C3orf70: variants seen among roughly 807,000 people sequenced by gnomAD.
The protein encoded by C3orf70 is chromosome 3 open reading frame 70.
In C3orf70, 15 loss-of-function variants were observed where a neutral mutation model predicts 20.7. The ratio of observed to expected loss-of-function variants is 0.72; its 90% confidence interval spans 0.48 to 1.11. The LOEUF (loss-of-function observed/expected upper bound fraction) is 1.11. C3orf70 is among the 50% of genes most tolerant of loss of function. The pLI, the probability that C3orf70 is intolerant of heterozygous loss-of-function variation, is 0.00. For synonymous variants in C3orf70, 161 were observed against 125.7 expected, an observed-to-expected ratio of 1.28 and a Z score of -1.88; for missense variants, 332 against 317.6, an observed-to-expected ratio of 1.05 and a Z score of -0.34.
chr3:185,105,263 A>G (rs956929624), intron 1 of C3orf70, among the ~76,000 whole-genome samples: 1 of 152,226 alleles, frequency 6.6e-6, no homozygotes, highest in African/African-American at 2.4e-5. Flanking sequence ...GCCATACACA[A>G]AATCTCTGCA....
Position 185,136,594 on chromosome 3 carries a change from G to A in C3orf70, c.196+16034C>T, listed in dbSNP as rs181797953. Among the ~76,000 whole-genome samples, 172 of 152,028 alleles carry A rather than the reference G, an allele frequency of 1.1e-3. 2 individuals are homozygous for A. Among genetic ancestry groups the A allele is most frequent in the Non-Finnish European group, 4.0e-4 (27 of 68,010 alleles). ...ATTAGCTGGGCCCACAGTGGTGGCG[G>A]GCACCTGCAGTCCCAGCTACTCGGG... On this transcript the variant is annotated intron_variant, in intron 1 of 1. Transcript: ENST00000335012.
chr3:185,145,881 A>C (rs1716863653), intron 1 of C3orf70, among the ~76,000 whole-genome samples: 1 of 152,252 alleles, frequency 6.6e-6, no homozygotes, highest in South Asian at 2.1e-4. Flanking sequence ...GTTGAAGTTT[A>C]CGTGCATCCA....
At chr3:185,088,012 T>C (rs529266533) in intron 1 of C3orf70, among the ~76,000 whole-genome samples, 8 of 151,570 alleles carry the variant, frequency 5.3e-5, no homozygotes, top group African/African-American at 1.7e-4. Context: ...CCTGGGTTCA[T>C]GCGATTCTCC....
At chr3:185,111,291 A>C (rs1199214309) in intron 1 of C3orf70, among the ~76,000 whole-genome samples, 2 of 152,248 alleles carry the variant, frequency 1.3e-5, no homozygotes, top group Admixed American at 6.5e-5. Context: ...CCATCAAGAA[A>C]GTGAAAAAAG....
At chr3:185,122,212 A>G (rs1716317549) in intron 1 of C3orf70, among the ~76,000 whole-genome samples, 2 of 152,202 alleles carry the variant, frequency 1.3e-5, no homozygotes, top group Non-Finnish European at 1.5e-5. Context: ...AGAACCAGTA[A>G]TATTACCAAG....
chr3:185,102,181 G>A lies in C3orf70; in HGVS notation c.197-18618C>T, dbSNP rs1163893363. Among the ~76,000 whole-genome samples, 4 of 152,148 alleles carry A rather than the reference G, an allele frequency of 2.6e-5. No individual in the cohort carries two copies. In the East Asian group the frequency reaches 7.7e-4, roughly 29 times the overall value. The stretch of plus-strand genomic sequence containing the variant: ...ATATCTAGAAAACCCCACAGTCTCG[G>A]CCCAAAAGCTCCTTCAGCTAATAAA... On this transcript the variant is annotated intron_variant, in intron 1 of 1. Transcript: ENST00000335012.
At chr3:185,105,434 T>C (rs958469364) in intron 1 of C3orf70, among the ~76,000 whole-genome samples, 1 of 152,286 alleles carries the variant, frequency 6.6e-6, no homozygotes, top group Non-Finnish European at 1.5e-5. Context: ...CTTAAGGACA[T>C]GCTCCTGCTG....
intron 1 of C3orf70, among the ~76,000 whole-genome samples, chr3:185,093,265 T>A (rs1217149847): frequency 1.3e-5 from 2 of 152,160 alleles, no homozygotes; most frequent in Non-Finnish European, 2.9e-5. Context: ...CAGGCCACAC[T>A]CTGACACCCT....
intron 1 of C3orf70, among the ~76,000 whole-genome samples, chr3:185,117,454 A>AG (rs1716203945): frequency 3.7e-3 from 519 of 141,974 alleles, no homozygotes; most frequent in African/African-American, 4.9e-3. Context: ...CACACACAGA[A>AG]AGAGAGAGAG....
intron 1 of C3orf70, among the ~76,000 whole-genome samples, chr3:185,104,721 A>G (rs563709331): frequency 2.1e-4 from 32 of 152,368 alleles, no homozygotes; most frequent in African/African-American, 7.2e-4. Context: ...AAACTAATGC[A>G]GAAACAGAAA....
chr3:185,102,368 C>T (rs1380838418), intron 1 of C3orf70, among the ~76,000 whole-genome samples: 1 of 152,160 alleles, frequency 6.6e-6, no homozygotes, highest in Non-Finnish European at 1.5e-5. Flanking sequence ...TGAAAGATCT[C>T]TCCAAGGAGA....
rs368971235 is a variant in C3orf70, at chr3:185,082,969, C to A, written c.*38G>T. ...TCCACCAGACAAAGGTACAAAAGCT[C>A]GGCGTGGGTCCGAGGCTGTGGCTTC... On this transcript the variant is annotated 3_prime_UTR_variant, in exon 2 of 2. Coordinates refer to ENST00000335012, the MANE Select transcript of C3orf70 (RefSeq NM_001025266.3). 1.2e-5 allele frequency: 19 copies of A among 1,574,288 alleles called. No homozygotes were observed. In the African/African-American group the frequency reaches 2.4e-4, roughly 20 times the overall value.
At chr3:185,147,404 C>T (rs1561371524) in intron 1 of C3orf70, among the ~76,000 whole-genome samples, 1 of 152,170 alleles carries the variant, frequency 6.6e-6, no homozygotes, top group Non-Finnish European at 1.5e-5. Flanking sequence ...TCTCATTCTT[C>T]CGGATTTAAC....
intron 1 of C3orf70, among the ~76,000 whole-genome samples, chr3:185,130,922 C>A (rs984919318): frequency 6.6e-6 from 1 of 152,158 alleles, no homozygotes; most frequent in African/African-American, 2.4e-5. Context: ...CTGCTATAAA[C>A]ATTTGTATAC....
chr3:185,116,032 C>T (rs1716167432), intron 1 of C3orf70, among the ~76,000 whole-genome samples: 2 of 152,186 alleles, frequency 1.3e-5, no homozygotes, highest in South Asian at 2.1e-4. Flanking sequence ...GTCTCTGCAA[C>T]GGAGCTTGTC....
chr3:185,110,990 T>C (rs189850739), intron 1 of C3orf70, among the ~76,000 whole-genome samples: 162 of 152,334 alleles, frequency 1.1e-3, no homozygotes, highest in African/African-American at 3.7e-3. Flanking sequence ...TCTGTGTGTG[T>C]GTCTTTAATT....
At chr3:185,084,860 C>T (rs181172482) in intron 1 of C3orf70, among the ~76,000 whole-genome samples, 178 of 152,306 alleles carry the variant, frequency 1.2e-3, no homozygotes, top group African/African-American at 4.2e-3. Flanking sequence ...ATCCCAGAGA[C>T]AAGTAGCCAC....
chr3:185,140,714 C>T (rs544726440), intron 1 of C3orf70, among the ~76,000 whole-genome samples: 1 of 151,494 alleles, frequency 6.6e-6, no homozygotes, highest in East Asian at 1.9e-4. Context: ...TTTGGGAAGC[C>T]CAGGCGGATG....
In C3orf70 at chr3:185,152,619, T is replaced by C. The variant is rs1452654842; in HGVS notation, c.196+9A>G. ...GCGGCGGAAGGCGGGAAGACGCGGC[T>C]CGACTTACAGTGACACCATCCTAGG... is the stretch of plus-strand genomic sequence containing the variant. On this transcript the variant is annotated intron_variant, in intron 1 of 1. Coordinates refer to ENST00000335012, the MANE Select transcript of C3orf70 (RefSeq NM_001025266.3). The C allele has an allele frequency of 1.9e-6, 3 of 1,545,992 alleles. No individual in the cohort carries two copies. Among genetic ancestry groups the C allele is most frequent in the African/African-American group, 1.4e-5 (1 of 70,012 alleles).
Sources: allele counts gnomAD v4.1 joint callset (sites outside exome capture counted in the v4.1 genomes callset), GRCh38; gene constraint gnomAD v4.1.1; transcripts MANE v1.5; gene names NCBI Gene and HGNC (gene_info 2026-07-23, HGNC 2026-07-21).